Variants in PPP2R2C observed in about 807,000 individuals in gnomAD.
PPP2R2C encodes protein phosphatase 2 regulatory subunit Bgamma.
In PPP2R2C, 10 loss-of-function variants were observed where a neutral mutation model predicts 45.3. The observed-to-expected ratio is 0.22, with a 90% CI of 0.14 to 0.37. PPP2R2C has a LOEUF of 0.37. Ranked by LOEUF, PPP2R2C falls within the 10% of genes least tolerant of loss-of-function variation. The pLI is 1.00. For missense variants in PPP2R2C, 308 were observed against 619.7 expected (o/e 0.50, Z 5.34); for synonymous variants, 257 against 245.4 (o/e 1.05, Z -0.44).
At chr4:6,352,697 A>C (rs955461456) in intron 5 of PPP2R2C, among the ~76,000 whole-genome samples, 27 of 152,342 alleles carry the variant, frequency 1.8e-4, no homozygotes, top group African/African-American at 5.1e-4. Context: ...TCGCTCTTCA[A>C]TCCCATATGC....
chr4:6,475,644 C>T (rs756956306), upstream of PPP2R2C, among the ~76,000 whole-genome samples: 1 of 152,196 alleles, frequency 6.6e-6, no homozygotes, highest in Non-Finnish European at 1.5e-5. Context: ...GTGGACCATG[C>T]GCCTCCCTTT....
intron 1 of PPP2R2C, among the ~76,000 whole-genome samples, chr4:6,440,921 T>C (rs959690177): frequency 6.6e-6 from 1 of 151,490 alleles, no homozygotes; most frequent in African/African-American, 2.4e-5. Context: ...CCAAGTGGGG[T>C]GTGATAACAG....
chr4:6,548,111 C>T lies in PPP2R2C; in HGVS notation c.-58-12734G>A, dbSNP rs182857875. Among the ~76,000 whole-genome samples the T allele has an allele frequency of 3.9e-4, 59 of 152,034 alleles. 1 individual carries two copies. Among genetic ancestry groups the T allele is most frequent in the Admixed American group, 5.9e-4 (9 of 15,274 alleles). ...TGGGCACCTGTAATCCCAGCTACTCCGGAGGCTGAGGCAGGAGAACTGCTT... is the reference window on the plus strand; with the variant it reads ...TGGGCACCTGTAATCCCAGCTACTCTGGAGGCTGAGGCAGGAGAACTGCTT... On this transcript the variant is annotated intron_variant, in intron 1 of 9. Coordinates refer to the PPP2R2C transcript ENST00000506140.
chr4:6,463,410 G>A (rs971311050), intron 1 of PPP2R2C, among the ~76,000 whole-genome samples: 4 of 152,242 alleles, frequency 2.6e-5, no homozygotes, highest in Non-Finnish European at 5.9e-5. Context: ...GGAGGCCCTT[G>A]GCCTGCAGTT....
chr4:6,395,817 G>A (rs1716991400), intron 1 of PPP2R2C, among the ~76,000 whole-genome samples: 1 of 152,168 alleles, frequency 6.6e-6, no homozygotes, highest in Admixed American at 6.5e-5. Context: ...CTCTTTACTG[G>A]CAAGGAGCAT....
intron 1 of PPP2R2C, among the ~76,000 whole-genome samples, chr4:6,408,830 C>A (rs979121419): frequency 2.8e-5 from 4 of 144,368 alleles, no homozygotes; most frequent in African/African-American, 1.0e-4. Flanking sequence ...TGCAGCTGGT[C>A]AGGGGTGTCA....
chr4:6,460,354 A>G (rs1013752900), intron 1 of PPP2R2C, among the ~76,000 whole-genome samples: 3 of 152,222 alleles, frequency 2.0e-5, no homozygotes. Context: ...GGAGATGTTC[A>G]TCTATAAGCC....
At chr4:6,427,705 A>G (rs1240381780) in intron 1 of PPP2R2C, among the ~76,000 whole-genome samples, 4 of 152,230 alleles carry the variant, frequency 2.6e-5, no homozygotes, top group Non-Finnish European at 4.4e-5. Context: ...CACATCTAAC[A>G]GACACGGAGC....
Position 6,331,974 on chromosome 4 carries a change from G to C in PPP2R2C, c.960+1588C>G, listed in dbSNP as rs754384099. 3.1e-4 allele frequency among the ~76,000 whole-genome samples: 47 copies of C among 152,282 alleles called. No individual in the cohort carries two copies. The highest frequency in any genetic ancestry group is 1.8e-3 in the Admixed American group (28 of 15,296). On this transcript the variant is annotated intron_variant, in intron 7 of 8. Transcript: ENST00000382599. The surrounding 1 kb of genome is among the most constrained non-coding windows in gnomAD (Gnocchi z 5.9). ...TTATGTAGTTATTGCTATTATTTTA[G>C]CATCAATAGGTCAGCTGGGCCAGAT...
Position 6,510,185 on chromosome 4 carries a change from G to A in PPP2R2C, c.49+25086C>T, listed in dbSNP as rs539592370. Among the ~76,000 whole-genome samples, 369 of 152,178 alleles carry A rather than the reference G, an allele frequency of 2.4e-3. 2 individuals carry two copies. The highest frequency in any genetic ancestry group is 0.01 in the Middle Eastern group (3 of 294). ...CTTCAAATCCCTCCCATCTTACATG[G>A]AGTAAGCCCAAACTCCAACCTGCAT... On this transcript the variant is annotated intron_variant, in intron 2 of 9. Transcript: ENST00000506140.
At chr4:6,421,071 C>A (rs1013608938) in intron 1 of PPP2R2C, 2 of 985,138 alleles carry the variant, frequency 2.0e-6, no homozygotes, top group African/African-American at 3.5e-5. Context: ...GGGGTGTCCA[C>A]AGAAGTGGAG....
intron 1 of PPP2R2C, among the ~76,000 whole-genome samples, chr4:6,447,486 T>C (rs761367437): frequency 2.0e-5 from 3 of 151,960 alleles, no homozygotes; most frequent in Non-Finnish European, 4.4e-5. Context: ...AATGTGGATA[T>C]TTCAAGGGCC....
chr4:6,359,716 C>A (rs550751595), intron 5 of PPP2R2C, among the ~76,000 whole-genome samples: 1 of 152,198 alleles, frequency 6.6e-6, no homozygotes, highest in African/African-American at 2.4e-5. Flanking sequence ...GCCACACCAG[C>A]CCCACGTGAG....
At chr4:6,483,435 T>A (rs1411218681) in intron 2 of PPP2R2C, among the ~76,000 whole-genome samples, 2 of 152,142 alleles carry the variant, frequency 1.3e-5, no homozygotes, top group Non-Finnish European at 2.9e-5. Flanking sequence ...TCACCAAAAT[T>A]TGGTATAGTC....
chr4:6,327,032 G>C (rs1233151280), intron 8 of PPP2R2C, among the ~76,000 whole-genome samples: 1 of 152,200 alleles, frequency 6.6e-6, no homozygotes, highest in Non-Finnish European at 1.5e-5. Context: ...CCCAGGGTCT[G>C]TTTATCTTGG....
In PPP2R2C at chr4:6,395,756, G is replaced by A. The variant is rs150466707; in HGVS notation, c.71-14662C>T. Reference sequence around the variant, plus strand: ...CTCCAGAGGCTCGCTTTCCTCCCCTGTGAAATGGGCAGACCCTCCTGATTG... The same window carrying A: ...CTCCAGAGGCTCGCTTTCCTCCCCTATGAAATGGGCAGACCCTCCTGATTG... On this transcript the variant is annotated intron_variant, in intron 1 of 8. Coordinates refer to ENST00000382599, the MANE Select transcript of PPP2R2C (RefSeq NM_020416.4). 1.8e-3 allele frequency among the ~76,000 whole-genome samples: 280 copies of A among 152,306 alleles called. 1 individual carries two copies. Among genetic ancestry groups the A allele is most frequent in the African/African-American group, 5.9e-3 (247 of 41,558 alleles).
intron 1 of PPP2R2C, among the ~76,000 whole-genome samples, chr4:6,431,903 C>T (rs1036605690): frequency 6.6e-6 from 1 of 152,102 alleles, no homozygotes; most frequent in African/African-American, 2.4e-5. Context: ...GCTGGGAAGT[C>T]CAAGATCGAG....
chr4:6,402,661 C>A (rs1310234454), intron 1 of PPP2R2C, among the ~76,000 whole-genome samples: 1 of 152,204 alleles, frequency 6.6e-6, no homozygotes, highest in East Asian at 1.9e-4. Flanking sequence ...TGTAAACAAG[C>A]ACCACATGGC....
intron 1 of PPP2R2C, among the ~76,000 whole-genome samples, chr4:6,554,939 GAAAGAAA>G (rs1487090667): frequency 5.1e-5 from 4 of 78,648 alleles, no homozygotes; most frequent in Admixed American, 3.8e-4. Flanking sequence ...AGGAAAGAAA[GAAAGAAA>G]GAAAGAAAGA....
Sources: gnomAD v4.1 joint callset for allele counts (sites outside exome capture counted in the v4.1 genomes callset) on GRCh38, gnomAD v4.1.1 for gene constraint, Gnocchi (gnomAD v3.1) non-coding constraint, MANE v1.5 for transcripts, NCBI Gene and HGNC (gene_info 2026-07-23, HGNC 2026-07-21) for gene names.